ZNF721: variants seen among roughly 807,000 people sequenced by gnomAD.
ZNF721 encodes the protein zinc finger protein 721.
In ZNF721, 2 loss-of-function variants were observed where a neutral mutation model predicts 2.4. The ratio of observed to expected loss-of-function variants is 0.82; its 90% CI spans 0.34 to 2.58. The LOEUF is 2.58. ZNF721 is among the 30% of genes most tolerant of loss of function. The pLI is 0.11. For missense variants in ZNF721, 1,187 were observed against 1,085.5 expected (o/e 1.09, Z -1.31); for synonymous variants, 398 against 381.8 (o/e 1.04, Z -0.50).
chr4:446,924 A>G (rs1714495246), intron 2 of ZNF721, among the ~76,000 whole-genome samples: 1 of 149,614 alleles, frequency 6.7e-6, no homozygotes, highest in Non-Finnish European at 1.5e-5. Flanking sequence ...CTCTTTACGT[A>G]ATCCGCCTGC....
chr4:442,332 A>T lies in ZNF721; in HGVS notation c.2135T>A (p.Leu712His). 6.8e-6 allele frequency: 11 copies of T among 1,613,930 alleles called. No individual in the cohort carries two copies. Among genetic ancestry groups the T allele is most frequent in the Non-Finnish European group, 9.3e-6 (11 of 1,179,870 alleles). Residue 712 changes from leucine (L) to histidine (H), a missense_variant, in exon 3 of 3, where the codon CTT becomes CAT. Transcript: ENST00000511833. ...CGKAFSRSRN[L>H]TTHRRVHTRE... ...AGTGTGAACTCTCCTATGTGTAGTA[A>T]GGTTTCTTGACCTACTAAAGGCTTT... is the stretch of plus-strand genomic sequence containing the variant.
chr4:461,231 A>G (rs1553866062), intron 2 of ZNF721, among the ~76,000 whole-genome samples: 1 of 152,202 alleles, frequency 6.6e-6, no homozygotes, highest in African/African-American at 2.4e-5. Flanking sequence ...TGAATCCAGC[A>G]GCGCATCAAA....
At chr4:467,940 G>T (rs528581164) in intron 2 of ZNF721, among the ~76,000 whole-genome samples, 12 of 151,402 alleles carry the variant, frequency 7.9e-5, no homozygotes, top group African/African-American at 1.5e-4. Context: ...ATCAAGACCA[G>T]CCTGGCTAAC....
chr4:490,963 A>AG (rs1220019888), intron 1 of ZNF721, among the ~76,000 whole-genome samples: 4 of 151,830 alleles, frequency 2.6e-5, no homozygotes, highest in African/African-American at 9.7e-5. Context: ...CAAAAAAAAA[A>AG]AAAAGAACAG....
chr4:485,109 G>A (rs782683223), intron 1 of ZNF721, among the ~76,000 whole-genome samples: 4 of 152,164 alleles, frequency 2.6e-5, no homozygotes, highest in Non-Finnish European at 5.9e-5. Context: ...AGGATGGTCA[G>A]TGATCTGCCT....
intron 2 of ZNF721, among the ~76,000 whole-genome samples, chr4:455,521 C>T (rs1214375328): frequency 1.3e-5 from 2 of 152,026 alleles, no homozygotes; most frequent in Admixed American, 6.6e-5. Flanking sequence ...AAGCCGAGAT[C>T]GTGCCACTGC....
intron 1 of ZNF721, among the ~76,000 whole-genome samples, chr4:485,344 C>A (rs539396340): frequency 6.6e-6 from 1 of 151,952 alleles, no homozygotes; most frequent in Non-Finnish European, 1.5e-5. Flanking sequence ...CAATTTCTTA[C>A]AGCAAAGTCC....
chr4:478,730 G>A (rs1715700134), intron 1 of ZNF721, among the ~76,000 whole-genome samples: 1 of 151,720 alleles, frequency 6.6e-6, no homozygotes, highest in Admixed American at 6.6e-5. Context: ...TACATAAATA[G>A]ATAAGTAATG....
At chr4:475,718 T>C (rs782385534) in intron 1 of ZNF721, among the ~76,000 whole-genome samples, 2 of 152,070 alleles carry the variant, frequency 1.3e-5, no homozygotes, top group Non-Finnish European at 2.9e-5. Context: ...TTGGTCATAG[T>C]ACAAGAATGG....
rs1351544109 is a variant in ZNF721, at chr4:443,143, C to T, written c.1324G>A (p.Asp442Asn). 3.7e-6 allele frequency: 6 copies of T among 1,613,842 alleles called. No homozygotes were observed. Among genetic ancestry groups the T allele is most frequent in the Non-Finnish European group, 5.1e-6 (6 of 1,179,874 alleles). Reference protein sequence around the residue: ...LNEYKKIHTGDKPYKCKECGK... With the variant: ...LNEYKKIHTGNKPYKCKECGK... ...CATTCTTTACATTTGTAGGGTTTATCTCCAGTATGAATTTTCTTATATTCA... is the reference window on the plus strand; with the variant it reads ...CATTCTTTACATTTGTAGGGTTTATTTCCAGTATGAATTTTCTTATATTCA... The change falls in exon 3 of 3, where the codon GAT becomes AAT. Residue 442 changes from aspartate (D) to asparagine (N), a missense_variant. Coordinates refer to ENST00000511833, the MANE Select transcript of ZNF721 (RefSeq NM_133474.4).
chr4:445,901 T>C lies in ZNF721; in HGVS notation c.35-1469A>G, dbSNP rs143491782. ...CATTTATAAGTGTGGTCTTATAAGA[T>C]TACCAGTGAATCTGTCAACAAAACT... On this transcript the variant is annotated intron_variant, in intron 2 of 2. Coordinates refer to ENST00000511833, the MANE Select transcript of ZNF721 (RefSeq NM_133474.4). Among the ~76,000 whole-genome samples the C allele has an allele frequency of 8.4e-3, 1,279 of 152,232 alleles. 10 individuals carry two copies. The highest frequency in any genetic ancestry group is 0.013 in the Non-Finnish European group (896 of 68,002).
chr4:461,161 G>A (rs1553866032), intron 2 of ZNF721, among the ~76,000 whole-genome samples: 1 of 152,110 alleles, frequency 6.6e-6, no homozygotes, highest in African/African-American at 2.4e-5. Flanking sequence ...AAAAATTTCA[G>A]GCCAATATCC....
chr4:474,652 G>A (rs563791801), intron 1 of ZNF721, among the ~76,000 whole-genome samples: 3 of 152,222 alleles, frequency 2.0e-5, no homozygotes, highest in South Asian at 2.1e-4. Context: ...CGAGGTGGGG[G>A]GATCACGGGG....
rs782278343 is a variant in ZNF721 at position 442,816 on chromosome 4, G to C, written c.1651C>G (p.His551Asp). 2 of 1,613,850 alleles carry C rather than the reference G, an allele frequency of 1.2e-6. No individual in the cohort carries two copies. The highest frequency in any genetic ancestry group is 1.7e-6 in the Non-Finnish European group (2 of 1,179,902). The change falls in exon 3 of 3, where the codon CAT becomes GAT. Residue 551 changes from histidine (H) to aspartate (D), a missense_variant. Coordinates refer to ENST00000511833, the MANE Select transcript of ZNF721 (RefSeq NM_133474.4). ...SAILYVHRRI[H>D]TGEKPYTCEE... ...CATGTGTAGGGTTTCTCTCCAGTAT[G>C]AATTCTCCTATGTACATAAAGGATT...
chr4:477,234 A>G (rs1191961675), intron 1 of ZNF721, among the ~76,000 whole-genome samples: 2 of 150,232 alleles, frequency 1.3e-5, no homozygotes, highest in Admixed American at 6.6e-5. Flanking sequence ...AGAGCAAGAG[A>G]ATGAGACACT....
Position 442,002 on chromosome 4 carries a change from G to A in ZNF721, c.2465C>T (p.Thr822Ile), listed in dbSNP as rs1553863215. The change falls in exon 3 of 3, where the codon ACA becomes ATA. Residue 822 changes from threonine (T) to isoleucine (I), a missense_variant. Physicochemically the swap from Thr to Ile is moderately conservative, Grantham distance 89. Coordinates refer to ENST00000511833, the MANE Select transcript of ZNF721 (RefSeq NM_133474.4). Reference sequence around the variant, plus strand: ...AATTCTCCTATGTTTAGTAAGGGTTGTGGAACTAGTAAACGCTTTACCACA... The same window carrying A: ...AATTCTCCTATGTTTAGTAAGGGTTATGGAACTAGTAAACGCTTTACCACA... ...LECGKAFTSS[T>I]TLTKHRRIHT... The A allele has an allele frequency of 1.2e-6, 2 of 1,613,976 alleles. No individual in the cohort carries two copies. Among genetic ancestry groups the A allele is most frequent in the Non-Finnish European group, 8.5e-7 (1 of 1,179,928 alleles).
chr4:465,679 C>T (rs554946769), intron 2 of ZNF721, among the ~76,000 whole-genome samples: 3 of 151,870 alleles, frequency 2.0e-5, no homozygotes, highest in African/African-American at 4.8e-5. Flanking sequence ...TGATCGGCCT[C>T]GTGATCGGCC....
At chr4:484,429 C>A (rs1238034529) in intron 1 of ZNF721, among the ~76,000 whole-genome samples, 1 of 152,212 alleles carries the variant, frequency 6.6e-6, no homozygotes, top group African/African-American at 2.4e-5. Flanking sequence ...ACCTTAAACT[C>A]TGACCACCGG....
At chr4:446,838 G>A (rs1054037601) in intron 2 of ZNF721, among the ~76,000 whole-genome samples, 3 of 151,732 alleles carry the variant, frequency 2.0e-5, no homozygotes, top group African/African-American at 4.8e-5. Context: ...GACTACAGGC[G>A]CACCACCACG....
Sources: allele counts gnomAD v4.1 joint callset (sites outside exome capture counted in the v4.1 genomes callset), GRCh38; gene constraint gnomAD v4.1.1; transcripts MANE v1.5; gene names NCBI Gene and HGNC (gene_info 2026-07-23, HGNC 2026-07-21).